DHX38: variants seen among roughly 807,000 people sequenced by gnomAD.
The protein encoded by DHX38 is pre-mRNA-splicing factor ATP-dependent RNA helicase PRP16.
Under a neutral mutation model 153.1 loss-of-function variants are expected in DHX38, and 100 were observed. That is an observed-to-expected ratio of 0.65 (90% CI 0.56 to 0.77). The LOEUF (loss-of-function observed/expected upper bound fraction) is 0.77. Among genes scored for constraint, DHX38 ranks in the 30% least tolerant of loss-of-function variants. The pLI, the probability that DHX38 is intolerant of heterozygous loss-of-function variation, is 0.00. For synonymous variants in DHX38, 650 were observed against 631.7 expected, an observed-to-expected ratio of 1.03 and a Z score of -0.43; for missense variants, 1,440 against 1,654.0, an observed-to-expected ratio of 0.87 and a Z score of 2.24.
chr16:72,095,345 G>C (rs1252576917), intron 1 of DHX38, among the ~76,000 whole-genome samples: 1 of 152,208 alleles, frequency 6.6e-6, no homozygotes, highest in African/African-American at 2.4e-5. Context: ...GATTTTGGCT[G>C]CTGTGAGTAA....
intron 17 of DHX38, 23 bp downstream of exon 17, chr16:72,105,371 G>C (rs958268967): frequency 1.9e-6 from 3 of 1,612,830 alleles, no homozygotes; most frequent in Non-Finnish European, 2.5e-6. Context: ...GAATGTCCAG[G>C]AGTGGCTCTT....
chr16:72,097,513 C>T (rs1430286763), intron 3 of DHX38, 164 bp from the exon 4 acceptor site: 24 of 601,900 alleles, frequency 4.0e-5, no homozygotes, highest in Non-Finnish European at 6.4e-5. Flanking sequence ...ATTTTTCCCC[C>T]TTGGGAGAAT....
chr16:72,112,539 C>A lies in DHX38; in HGVS notation c.*42C>A. 3.1e-6 allele frequency: 5 copies of A among 1,604,256 alleles called. No individual in the cohort carries two copies. The highest frequency in any genetic ancestry group is 1.1e-5 in the South Asian group (1 of 90,978). ...GAGAGGATGGCAGCAGGTATTGGGT[C>A]CTCAGCCTTCTGGCGGGAGCCCTGA... On this transcript the variant is annotated 3_prime_UTR_variant, in exon 27 of 27. Transcript: ENST00000268482.
chr16:72,111,382 C>T (rs559023490), intron 26 of DHX38, among the ~76,000 whole-genome samples: 8 of 152,308 alleles, frequency 5.3e-5, no homozygotes, highest in South Asian at 2.1e-4. Context: ...GTGAGAAGTG[C>T]GCCTTGGGCT....
rs772384913 is a variant in DHX38, at chr16:72,104,135, A to C, written c.2010+4A>C. ...GCTCTTTGGGCTGCTCCGGGAGGTG[A>C]GGGCTGTGTGGTTTGGTCTCTCTGC... On this transcript the variant is annotated splice_donor_region_variant and intron_variant, in intron 14 of 26. Coordinates refer to ENST00000268482, the MANE Select transcript of DHX38 (RefSeq NM_014003.4). The surrounding 1 kb of genome is among the most constrained non-coding windows in gnomAD (Gnocchi z 4.5). 6.2e-7 allele frequency: 1 copy of C among 1,612,918 alleles called. No individual in the cohort carries two copies. Among genetic ancestry groups the C allele is most frequent in the Admixed American group, 1.7e-5 (1 of 59,992 alleles).
chr16:72,108,219 C>A lies in DHX38; in HGVS notation c.2965-8C>A, dbSNP rs781107496. ...TACTTAGAGTGAAGGTTCTTTTTCCCTTCCTAGGGTCGAGAGGAGGAGAGT... is the reference window on the plus strand; with the variant it reads ...TACTTAGAGTGAAGGTTCTTTTTCCATTCCTAGGGTCGAGAGGAGGAGAGT... On this transcript the variant is annotated splice_region_variant and splice_polypyrimidine_tract_variant and intron_variant, in intron 21 of 26. Transcript: ENST00000268482. 6.2e-7 allele frequency: 1 copy of A among 1,613,732 alleles called. No individual in the cohort carries two copies. The highest frequency in any genetic ancestry group is 2.2e-5 in the East Asian group (1 of 44,878).
At position 72,105,510 on chromosome 16, in the gene DHX38, G is replaced by C. The variant is rs1038734336; in HGVS notation, c.2380-7G>C. 6.2e-7 allele frequency: 1 copy of C among 1,614,118 alleles called. No homozygotes were observed. The highest frequency in any genetic ancestry group is 1.7e-5 in the Admixed American group (1 of 60,030). On this transcript the variant is annotated splice_region_variant and splice_polypyrimidine_tract_variant and intron_variant, in intron 17 of 26. Coordinates refer to ENST00000268482, the MANE Select transcript of DHX38 (RefSeq NM_014003.4). ...TCATTTTTCCCTTCCTGTATGTCCT[G>C]CTCTAGGCTCCAGATGGCGTTCGGA...
chr16:72,111,203 A>C, intron 26 of DHX38, 126 bp downstream of exon 26: 1 of 1,370,246 alleles, frequency 7.3e-7, no homozygotes, highest in African/African-American at 1.5e-5. Flanking sequence ...TGGTGACAGA[A>C]GTTGCTTGTG....
chr16:72,108,528 T>A lies in DHX38; in HGVS notation c.3176T>A (p.Leu1059Gln), dbSNP rs904228460. 1.2e-6 allele frequency: 2 copies of A among 1,614,202 alleles called. No homozygotes were observed. Among genetic ancestry groups the A allele is most frequent in the Admixed American group, 3.3e-5 (2 of 60,026 alleles). Residue 1059 changes from leucine (L) to glutamine (Q), a missense_variant, in exon 23 of 27, where the codon CTG becomes CAG. Physicochemically the swap from Leu to Gln is moderately radical, Grantham distance 113. Transcript: ENST00000268482. ...KDIMVQQRMS[L>Q]ASCGTDWDIV... ...ATCATGGTGCAGCAGCGGATGAGCC[T>A]GGCCTCGTGTGGCACTGACTGGGAC...
In DHX38 at chr16:72,107,698, C is replaced by T. The variant is rs370246696; in HGVS notation, c.2863C>T (p.Leu955=). The T allele has an allele frequency of 2.3e-5, 37 of 1,614,070 alleles. No individual in the cohort carries two copies. In the African/African-American group the frequency reaches 3.9e-4, roughly 17 times the overall value. The stretch of plus-strand genomic sequence containing the variant: ...GGTGGAGTTCCCGCTGGACCCTGCC[C>T]TGTCCAAGATGCTCATCGTGTCCTG... The part of the protein sequence containing the change: ...LMVEFPLDPA[L]SKMLIVSCDM... Residue 955 remains leucine, a synonymous_variant, in exon 21 of 27, where the codon CTG becomes TTG. Transcript: ENST00000268482. The surrounding 1 kb of genome is among the most constrained non-coding windows in gnomAD (Gnocchi z 5.3).
At chr16:72,096,634 G>C (rs2042022777) in intron 2 of DHX38, among the ~76,000 whole-genome samples, 154 bp downstream of exon 2, 1 of 152,176 alleles carries the variant, frequency 6.6e-6, no homozygotes, top group African/African-American at 2.4e-5. Context: ...AATTTGTGGG[G>C]AAAAACAAAG....
intron 24 of DHX38, among the ~76,000 whole-genome samples, chr16:72,109,175 C>T (rs1379351946): frequency 1.3e-5 from 2 of 152,230 alleles, no homozygotes; most frequent in Non-Finnish European, 2.9e-5. Flanking sequence ...GGATGAGCAA[C>T]CCCTCTTGGT....
Position 72,107,006 on chromosome 16 carries a change from T to G in DHX38, c.2601-334T>G, listed in dbSNP as rs1238054660. Among the ~76,000 whole-genome samples, 2 of 151,946 alleles carry G rather than the reference T, an allele frequency of 1.3e-5. No homozygotes were observed. The highest frequency in any genetic ancestry group is 3.9e-4 in the East Asian group (2 of 5,174). The stretch of plus-strand genomic sequence containing the variant: ...CAATATGGTGAAACCCCATCTCTAC[T>G]AAAAATACAAAAATCAGCTGGGCGT... On this transcript the variant is annotated intron_variant, in intron 19 of 26. Transcript: ENST00000268482. The surrounding 1 kb of genome is among the most constrained non-coding windows in gnomAD (Gnocchi z 5.3).
In DHX38 at chr16:72,105,268, C is replaced by T; in HGVS notation, c.2299C>T (p.Leu767=). The T allele has an allele frequency of 1.2e-6, 2 of 1,614,186 alleles. No homozygotes were observed. Among genetic ancestry groups the T allele is most frequent in the South Asian group, 1.1e-5 (1 of 91,082 alleles). ...CCAGATTGTGGAGCATCTGGAGGAA[C>T]TGGAGAACGCGCCTGCCCTGGCTGT... The part of the protein sequence containing the change: ...SDQIVEHLEE[L]ENAPALAVLP... Residue 767 remains leucine, a synonymous_variant, in exon 17 of 27, where the codon CTG becomes TTG. Transcript: ENST00000268482.
At position 72,103,915 on chromosome 16, in the gene DHX38, A is replaced by C. The variant is rs370106049; in HGVS notation, c.1825-31A>C. ...GTGTGCTGGTGGTGAGCCGGTGGCCAGGGCATCTGAGCCATCTCTCTGACC... is the reference window on the plus strand; with the variant it reads ...GTGTGCTGGTGGTGAGCCGGTGGCCCGGGCATCTGAGCCATCTCTCTGACC... On this transcript the variant is annotated intron_variant, in intron 13 of 26. Transcript: ENST00000268482. 31 of 1,610,504 alleles carry C rather than the reference A, an allele frequency of 1.9e-5. No individual in the cohort carries two copies. The African/African-American group carries it at 3.6e-4, about 19-fold the overall frequency.
chr16:72,096,809 C>G lies in DHX38; in HGVS notation c.324-13C>G, dbSNP rs1354262010. 3 of 1,604,156 alleles carry G rather than the reference C, an allele frequency of 1.9e-6. No individual in the cohort carries two copies. Among genetic ancestry groups the G allele is most frequent in the Non-Finnish European group, 2.6e-6 (3 of 1,174,510 alleles). Reference sequence around the variant, plus strand: ...TATGGAGGGGCCTTTACCAGTTGCTCTCCCTGTTTCAGACATTATCGGTCT... The same window carrying G: ...TATGGAGGGGCCTTTACCAGTTGCTGTCCCTGTTTCAGACATTATCGGTCT... On this transcript the variant is annotated splice_polypyrimidine_tract_variant and intron_variant, in intron 2 of 26. Transcript: ENST00000268482.
In DHX38 at chr16:72,096,425, A is replaced by G; in HGVS notation, c.268A>G (p.Lys90Glu). 1 of 1,613,992 alleles carries G rather than the reference A, an allele frequency of 6.2e-7. No individual in the cohort carries two copies. The highest frequency in any genetic ancestry group is 8.5e-7 in the Non-Finnish European group (1 of 1,179,962). The stretch of plus-strand genomic sequence containing the variant: ...CTGGGAAGAGAGCAAGGATGACCAG[A>G]AGGATGCTGAGGAAGAGGGCGGTGA... The part of the protein sequence containing the change: ...KDWEESKDDQ[K>E]DAEEEGGDQA... Residue 90 changes from lysine (K) to glutamate (E), a missense_variant, in exon 2 of 27, where the codon AAG (lysine) becomes GAG (glutamate). By Grantham distance (56) the Lys-to-Glu change is moderately conservative. Transcript: ENST00000268482.
rs750698515 is a variant in DHX38 at position 72,108,224 on chromosome 16, T to G, written c.2965-3T>G. ...AGAGTGAAGGTTCTTTTTCCCTTCC[T>G]AGGGTCGAGAGGAGGAGAGTGATCA... On this transcript the variant is annotated splice_region_variant and splice_polypyrimidine_tract_variant and intron_variant, in intron 21 of 26. Coordinates refer to ENST00000268482, the MANE Select transcript of DHX38 (RefSeq NM_014003.4). The G allele has an allele frequency of 6.2e-7, 1 of 1,613,876 alleles. No homozygotes were observed. The highest frequency in any genetic ancestry group is 1.7e-5 in the Admixed American group (1 of 59,998).
intron 11 of DHX38, among the ~76,000 whole-genome samples, chr16:72,102,259 T>C (rs1392028992): frequency 6.6e-6 from 1 of 152,224 alleles, no homozygotes; most frequent in Non-Finnish European, 1.5e-5. Context: ...AAGTTGGTAC[T>C]ATTGATCAGC....
Sources: allele counts gnomAD v4.1 joint callset (sites outside exome capture counted in the v4.1 genomes callset), GRCh38; gene constraint gnomAD v4.1.1; non-coding constraint Gnocchi (gnomAD v3.1); transcripts MANE v1.5; gene names NCBI Gene and HGNC (gene_info 2026-07-23, HGNC 2026-07-21).